The following NR1H4 variants were observed in gnomAD, a reference collection of about 807,000 sequenced individuals.
The protein encoded by NR1H4 is bile acid receptor.
NR1H4 carries 23 observed loss-of-function variants against 58.5 expected under a neutral mutation model. The ratio of observed to expected loss-of-function variants is 0.39; its 90% CI spans 0.28 to 0.56. The LOEUF is 0.56. NR1H4 is among the 20% of genes least tolerant of loss of function. NR1H4 has a pLI of 0.58. For synonymous variants in NR1H4, 214 were observed against 198.0 expected (o/e 1.08, Z -0.68); for missense variants, 487 against 576.9 (o/e 0.84, Z 1.60).
chr12:100,537,745 G>A (rs1954846258), intron 8 of NR1H4, among the ~76,000 whole-genome samples: 1 of 152,150 alleles, frequency 6.6e-6, no homozygotes, highest in Non-Finnish European at 1.5e-5. Context: ...ACGGAGTCTC[G>A]CTCTGTTGCC....
intron 4 of NR1H4, among the ~76,000 whole-genome samples, chr12:100,532,070 C>T (rs1470891767): frequency 2.0e-5 from 3 of 152,208 alleles, no homozygotes; most frequent in East Asian, 1.9e-4. Flanking sequence ...GTTGTTTGTG[C>T]GTCTTTGTCC....
chr12:100,506,667 C>A (rs1195253088), intron 3 of NR1H4, among the ~76,000 whole-genome samples: 2 of 152,136 alleles, frequency 1.3e-5, no homozygotes, highest in Admixed American at 1.3e-4. Context: ...GCCACCACGT[C>A]CAGCTAATTT....
chr12:100,520,128 C>T (rs886595225), intron 4 of NR1H4, among the ~76,000 whole-genome samples: 8 of 152,074 alleles, frequency 5.3e-5, no homozygotes, highest in South Asian at 2.1e-4. Context: ...CTGGTTTCCC[C>T]GCTGACCCCG....
intron 9 of NR1H4, among the ~76,000 whole-genome samples, chr12:100,560,698 A>T (rs1029937277): frequency 2.3e-4 from 35 of 152,380 alleles, no homozygotes; most frequent in Non-Finnish European, 4.6e-4. Flanking sequence ...AATTCCGGAC[A>T]CACCAATACG....
intron 9 of NR1H4, among the ~76,000 whole-genome samples, chr12:100,561,654 T>C (rs1273073298): frequency 6.6e-6 from 1 of 152,092 alleles, no homozygotes; most frequent in East Asian, 1.9e-4. Flanking sequence ...ACTGACAAAA[T>C]TAGACATACA....
rs1179070617 is a variant in NR1H4, at chr12:100,493,272, G to GT, written c.-44dup. On this transcript the variant is annotated 5_prime_UTR_variant, in exon 3 of 11. It removes the in-frame stop codon of an upstream open reading frame in the 5' UTR. Transcript: ENST00000392986. ...CAAACTATTTATTTTCCTTTCAGGA[G>GT]TTTTTTTTGAAGACCACCATAAAGA... 127 of 899,084 alleles carry GT rather than the reference G, an allele frequency of 1.4e-4. No homozygotes were observed. The highest frequency in any genetic ancestry group is 2.2e-4 in the South Asian group (16 of 71,866). 55.7% of individuals were successfully genotyped at this position (899,084 alleles called of 1,614,324 possible).
In NR1H4 at chr12:100,510,976, C is replaced by T. The variant is rs777885962; in HGVS notation, c.278C>T (p.Ala93Val). ...PGIYELRRMP[A>V]ETLYQGETEV... ...ATATATGAACTCAGGCGTATGCCAG[C>T]TGAGACTCTCTACCAGGGAGAAACT... Residue 93 changes from alanine (A) to valine (V), a missense_variant, in exon 4 of 11, where the codon GCT becomes GTT. Coordinates refer to ENST00000392986, the MANE Select transcript of NR1H4 (RefSeq NM_001206979.2). The T allele has an allele frequency of 4.7e-5, 76 of 1,614,230 alleles. No individual in the cohort carries two copies. The highest frequency in any genetic ancestry group is 5.3e-5 in the Non-Finnish European group (63 of 1,180,036).
chr12:100,513,750 GTGCCAT>G, intron 4 of NR1H4, among the ~76,000 whole-genome samples: 1 of 151,588 alleles, frequency 6.6e-6, no homozygotes, highest in East Asian at 1.9e-4. Flanking sequence ...AGCTGAGATT[GTGCCAT>G]TGCACTCCAT....
intron 4 of NR1H4, among the ~76,000 whole-genome samples, chr12:100,511,385 C>T (rs1217537651): frequency 6.6e-6 from 1 of 152,074 alleles, no homozygotes; most frequent in Non-Finnish European, 1.5e-5. Flanking sequence ...TAGCTTTCTT[C>T]CTTTTCACAA....
At chr12:100,517,771 G>T (rs959574045) in intron 4 of NR1H4, among the ~76,000 whole-genome samples, 3 of 152,192 alleles carry the variant, frequency 2.0e-5, no homozygotes, top group Non-Finnish European at 4.4e-5. Flanking sequence ...CTGATGATTA[G>T]TGGTGTTGAG....
Position 100,478,448 on chromosome 12 carries a change from G to T in NR1H4, c.-190+4389G>T, listed in dbSNP as rs138670958. On this transcript the variant is annotated intron_variant, in intron 1 of 10. Transcript: ENST00000392986. Reference sequence around the variant, plus strand: ...CTTATAGCATCTGATTATATAATTGGCAAAGTTGAGGACAGGAAATGATAC... The same window carrying T: ...CTTATAGCATCTGATTATATAATTGTCAAAGTTGAGGACAGGAAATGATAC... Among the ~76,000 whole-genome samples the T allele has an allele frequency of 4.1e-4, 62 of 152,182 alleles. 1 individual carries two copies. The East Asian group carries it at 0.012, about 29-fold the overall frequency.
chr12:100,558,980 A>C (rs1266659044), intron 9 of NR1H4, among the ~76,000 whole-genome samples: 1 of 152,202 alleles, frequency 6.6e-6, no homozygotes, highest in Non-Finnish European at 1.5e-5. Flanking sequence ...TGGTATATTA[A>C]ATGCTTAAAA....
Position 100,510,904 on chromosome 12 carries a change from A to G in NR1H4, c.206A>G (p.Asn69Ser). 1.9e-6 allele frequency: 3 copies of G among 1,614,102 alleles called. No individual in the cohort carries two copies. The highest frequency in any genetic ancestry group is 1.6e-4 in the Middle Eastern group (1 of 6,062). Reference sequence around the variant, plus strand: ...ATTTCCTCGTCATCCTATTATTCCAACCTGGGTTTCTACCCCCAGCAGCCT... The same window carrying G: ...ATTTCCTCGTCATCCTATTATTCCAGCCTGGGTTTCTACCCCCAGCAGCCT... Reference protein sequence around the residue: ...PQISSSSYYSNLGFYPQQPEE... With the variant: ...PQISSSSYYSSLGFYPQQPEE... The change falls in exon 4 of 11, where the codon AAC becomes AGC. Residue 69 changes from asparagine (N) to serine (S), a missense_variant. Coordinates refer to ENST00000392986, the MANE Select transcript of NR1H4 (RefSeq NM_001206979.2).
chr12:100,474,392 T>C (rs148564242), intron 1 of NR1H4, among the ~76,000 whole-genome samples: 5 of 152,368 alleles, frequency 3.3e-5, no homozygotes, highest in African/African-American at 9.6e-5. Context: ...ATTTGACTTG[T>C]ATAGTGTGCT....
At chr12:100,556,507 T>TAAA (rs1449193994) in intron 9 of NR1H4, among the ~76,000 whole-genome samples, 1 of 152,008 alleles carries the variant, frequency 6.6e-6, no homozygotes, top group East Asian at 1.9e-4. Flanking sequence ...AACTCTCTTT[T>TAAA]AAAGTACAAA....
chr12:100,517,681 C>A (rs1379512492), intron 4 of NR1H4, among the ~76,000 whole-genome samples: 1 of 152,120 alleles, frequency 6.6e-6, no homozygotes, highest in Non-Finnish European at 1.5e-5. Context: ...TACATCCTTG[C>A]CAAAACTTGT....
intron 1 of NR1H4, among the ~76,000 whole-genome samples, chr12:100,490,067 G>A (rs1302699066): frequency 6.6e-6 from 1 of 152,154 alleles, no homozygotes; most frequent in Non-Finnish European, 1.5e-5. Context: ...TGCCAATAGG[G>A]CTTATAACAT....
intron 9 of NR1H4, among the ~76,000 whole-genome samples, chr12:100,557,433 A>G (rs1163680981): frequency 2.0e-5 from 3 of 152,220 alleles, no homozygotes; most frequent in Non-Finnish European, 4.4e-5. Flanking sequence ...CCCATCTCCA[A>G]CACTGAGGAT....
chr12:100,534,815 T>A, intron 5 of NR1H4, 75 bp from the exon 6 acceptor site: 1 of 1,540,682 alleles, frequency 6.5e-7, no homozygotes, highest in East Asian at 2.2e-5. Context: ...GCCAGGTACA[T>A]ATCAGTGGTT....
Sources: allele counts gnomAD v4.1 joint callset (sites outside exome capture counted in the v4.1 genomes callset), GRCh38; gene constraint gnomAD v4.1.1; transcripts MANE v1.5; gene names NCBI Gene and HGNC (gene_info 2026-07-23, HGNC 2026-07-21).